Variants in CLMP observed in about 807,000 individuals in gnomAD.
The protein encoded by CLMP is CXADR-like membrane protein.
CLMP carries 27 observed loss-of-function variants against 45.2 expected under a neutral mutation model. The ratio of observed to expected loss-of-function variants is 0.60; its 90% CI spans 0.44 to 0.82. CLMP has a LOEUF of 0.82. Among genes scored for constraint, CLMP ranks in the 40% least tolerant of loss-of-function variants. CLMP has a pLI of 0.00. For synonymous variants in CLMP, 167 were observed against 171.4 expected (o/e 0.97, Z 0.20); for missense variants, 403 against 448.4 (o/e 0.90, Z 0.91).
Position 123,069,927 on chromosome 11 carries a change from T to C in CLMP, c.*3547A>G, listed in dbSNP as rs925089371. The stretch of plus-strand genomic sequence containing the variant: ...GATACAGATGCATCCATAATAAATA[T>C]TTGGTTTTTGTGATGCTGAAACACA... On this transcript the variant is annotated 3_prime_UTR_variant, in exon 7 of 7. Coordinates refer to ENST00000448775, the MANE Select transcript of CLMP (RefSeq NM_024769.5). 1 of 152,202 alleles carries C rather than the reference T, an allele frequency of 6.6e-6. No individual in the cohort carries two copies. Among genetic ancestry groups the C allele is most frequent in the Non-Finnish European group, 1.5e-5 (1 of 68,030 alleles). 9.4% of individuals were successfully genotyped at this position (152,202 alleles called of 1,614,324 possible). A position where few individuals can be genotyped will look rare whatever the true frequency, so the allele number is the denominator to read the frequency against.
At chr11:123,134,189 G>T (rs1354085238) in intron 1 of CLMP, among the ~76,000 whole-genome samples, 1 of 151,696 alleles carries the variant, frequency 6.6e-6, no homozygotes, top group East Asian at 2.0e-4. Context: ...GAACCTGGGA[G>T]GGGGAGGTTG....
intron 1 of CLMP, among the ~76,000 whole-genome samples, chr11:123,153,178 CA>C: frequency 6.6e-6 from 1 of 152,194 alleles, no homozygotes; most frequent in Admixed American, 6.5e-5. Flanking sequence ...TGTGTTGCAG[CA>C]AGGCTGACAT....
At chr11:123,104,372 G>A (rs1180180085) in intron 1 of CLMP, among the ~76,000 whole-genome samples, 1 of 149,920 alleles carries the variant, frequency 6.7e-6, no homozygotes, top group Non-Finnish European at 1.5e-5. Context: ...GAGCCACCGC[G>A]CCCGGTCCTG....
intron 1 of CLMP, among the ~76,000 whole-genome samples, chr11:123,112,769 CA>C (rs1295255698): frequency 7.8e-5 from 10 of 128,560 alleles, no homozygotes; most frequent in Middle Eastern, 4.1e-3. Context: ...TGTTAGTACC[CA>C]TTTTTTTTTT....
intron 1 of CLMP, among the ~76,000 whole-genome samples, chr11:123,189,599 T>C (rs1861879291): frequency 6.6e-6 from 1 of 152,224 alleles, no homozygotes. Context: ...GGGCTGGTAA[T>C]ATATACATCT....
intron 1 of CLMP, among the ~76,000 whole-genome samples, chr11:123,169,848 G>A (rs527627423): frequency 7.2e-5 from 11 of 152,228 alleles, no homozygotes; most frequent in African/African-American, 1.9e-4. Flanking sequence ...GTTTGTGGGC[G>A]GTGCCTCCAA....
At chr11:123,155,539 C>T (rs545055830) in intron 1 of CLMP, among the ~76,000 whole-genome samples, 1 of 152,174 alleles carries the variant, frequency 6.6e-6, no homozygotes, top group East Asian at 1.9e-4. Flanking sequence ...ATGGAGAAAC[C>T]AGCTCAGAGG....
intron 1 of CLMP, among the ~76,000 whole-genome samples, chr11:123,135,259 C>CAAAAA (rs529613516): frequency 0.28 from 24,695 of 87,442 alleles, 2,592 homozygotes; most frequent in Middle Eastern, 0.32. Context: ...GACTCCGTCT[C>CAAAAA]AAAAAAAAAA....
At chr11:123,119,007 C>G (rs1393131495) in intron 1 of CLMP, among the ~76,000 whole-genome samples, 1 of 31,156 alleles carries the variant, frequency 3.2e-5, no homozygotes, top group African/African-American at 1.8e-4. Context: ...CTTTCTCTCT[C>G]TCTCTCTCTC....
At chr11:123,175,108 C>A (rs1861680964) in intron 1 of CLMP, among the ~76,000 whole-genome samples, 1 of 152,092 alleles carries the variant, frequency 6.6e-6, no homozygotes, top group Non-Finnish European at 1.5e-5. Flanking sequence ...CCTGCACCAC[C>A]ATGCCTGACT....
rs567978062 is a variant in CLMP at position 123,070,103 on chromosome 11, T to A, written c.*3371A>T. On this transcript the variant is annotated 3_prime_UTR_variant, in exon 7 of 7. Transcript: ENST00000448775. ...GTAACAACAAAGGTACCAACTTCCT[T>A]ATTTCACAAATTTAAGTTTGGTTTA... 6.6e-6 allele frequency: 1 copy of A among 152,368 alleles called. No individual in the cohort carries two copies. The highest frequency in any genetic ancestry group is 2.4e-5 in the African/African-American group (1 of 41,588). The allele number at this position is 152,368 out of a possible 1,614,324, so 9.4% of individuals were successfully genotyped here.
At chr11:123,155,843 C>T (rs1296865254) in intron 1 of CLMP, among the ~76,000 whole-genome samples, 1 of 152,148 alleles carries the variant, frequency 6.6e-6, no homozygotes, top group Non-Finnish European at 1.5e-5. Flanking sequence ...CCTTTGCTAT[C>T]TTGAATTGCT....
At chr11:123,164,882 A>C (rs1336018904) in intron 1 of CLMP, among the ~76,000 whole-genome samples, 1 of 152,206 alleles carries the variant, frequency 6.6e-6, no homozygotes, top group Non-Finnish European at 1.5e-5. Flanking sequence ...AAGTTAGGAA[A>C]AGTGACCTTA....
At chr11:123,166,218 T>A (rs1344462566) in intron 1 of CLMP, among the ~76,000 whole-genome samples, 3 of 152,040 alleles carry the variant, frequency 2.0e-5, no homozygotes, top group Admixed American at 2.0e-4. Flanking sequence ...ACTGGTAGTG[T>A]TGGATGTAGC....
chr11:123,147,522 C>CGG (rs1861255515), intron 1 of CLMP, among the ~76,000 whole-genome samples: 1 of 152,202 alleles, frequency 6.6e-6, no homozygotes, highest in African/African-American at 2.4e-5. Context: ...AAGTGATCCT[C>CGG]CTGCCTCAGC....
At chr11:123,166,902 T>G (rs544931705) in intron 1 of CLMP, among the ~76,000 whole-genome samples, 136 of 152,094 alleles carry the variant, frequency 8.9e-4, no homozygotes, top group African/African-American at 3.1e-3. Flanking sequence ...TCCATAAATA[T>G]GTACAATTAT....
chr11:123,179,572 G>A (rs1445263384), intron 1 of CLMP, among the ~76,000 whole-genome samples: 1 of 152,152 alleles, frequency 6.6e-6, no homozygotes, highest in Non-Finnish European at 1.5e-5. Context: ...GAGGGGGTTT[G>A]GAAATTCTGG....
At chr11:123,132,669 G>A (rs1165232463) in intron 1 of CLMP, among the ~76,000 whole-genome samples, 1 of 152,128 alleles carries the variant, frequency 6.6e-6, no homozygotes, top group East Asian at 1.9e-4. Flanking sequence ...ATGTTGGCCA[G>A]GCTAGTCTGG....
intron 1 of CLMP, among the ~76,000 whole-genome samples, chr11:123,120,773 T>C (rs1031136901): frequency 1.3e-5 from 2 of 152,150 alleles, no homozygotes; most frequent in African/African-American, 4.8e-5. Flanking sequence ...ATAGTCTTTG[T>C]TTCTATTCGC....
Sources: gnomAD v4.1 joint callset for allele counts (sites outside exome capture counted in the v4.1 genomes callset) on GRCh38, gnomAD v4.1.1 for gene constraint, MANE v1.5 for transcripts, NCBI Gene and HGNC (gene_info 2026-07-23, HGNC 2026-07-21) for gene names.